GORAB: variants seen among roughly 807,000 people sequenced by gnomAD.
GORAB encodes the protein golgin, RAB6 interacting.
A neutral mutation model predicts 29.9 loss-of-function variants in GORAB; 17 were observed. The ratio of observed to expected loss-of-function variants is 0.57; its 90% CI spans 0.39 to 0.85. GORAB has a LOEUF of 0.85. Ranked by LOEUF, GORAB falls within the 40% of genes least tolerant of loss-of-function variation. The pLI is 0.00. For missense variants in GORAB, 442 were observed against 437.8 expected (o/e 1.01, Z -0.09); for synonymous variants, 183 against 157.2 (o/e 1.16, Z -1.23).
chr1:170,537,958 G>T (rs555396753), intron 1 of GORAB, among the ~76,000 whole-genome samples: 1 of 152,214 alleles, frequency 6.6e-6, no homozygotes, highest in South Asian at 2.1e-4. Context: ...ATTTTTTGAT[G>T]GTGTGAATAA....
chr1:170,540,825 T>A (rs755949111), intron 2 of GORAB, among the ~76,000 whole-genome samples: 1 of 152,144 alleles, frequency 6.6e-6, no homozygotes, highest in Non-Finnish European at 1.5e-5. Flanking sequence ...GAAAGCTGTG[T>A]CCTAGAGAAT....
chr1:170,533,472 T>C (rs1307195400), intron 1 of GORAB: 1 of 423,914 alleles, frequency 2.4e-6, no homozygotes, highest in Non-Finnish European at 5.0e-6. Flanking sequence ...AGGGTACAAG[T>C]GCCCTGGCCT....
chr1:170,549,481 A>G (rs897764446), intron 4 of GORAB, among the ~76,000 whole-genome samples: 1 of 152,248 alleles, frequency 6.6e-6, no homozygotes, highest in Admixed American at 6.5e-5. Context: ...ATTTCAATTC[A>G]GTATTCATGA....
intron 4 of GORAB, among the ~76,000 whole-genome samples, 159 bp from the exon 5 acceptor site, chr1:170,551,856 T>C (rs1432806079): frequency 6.6e-6 from 1 of 152,258 alleles, no homozygotes; most frequent in African/African-American, 2.4e-5. Flanking sequence ...TAGCCTAGTC[T>C]GGCCAACATG....
rs747949887 is a variant in GORAB, at chr1:170,542,584, T to C, written c.513T>C (p.Ile171=). The change falls in exon 3 of 5, where the codon ATT becomes ATC. Residue 171 remains isoleucine, a synonymous_variant. Transcript: ENST00000367763. ...KRKKALLAKA[I]AERSKRTQAE... is the part of the protein sequence containing the mutation. ...AAAAAGCTCTTTTGGCTAAAGCTATTGCAGAAAGGTGAGGCACCTGAACCA... is the reference window on the plus strand; with the variant it reads ...AAAAAGCTCTTTTGGCTAAAGCTATCGCAGAAAGGTGAGGCACCTGAACCA... The C allele has an allele frequency of 1.9e-6, 3 of 1,609,392 alleles. No homozygotes were observed. The highest frequency in any genetic ancestry group is 8.5e-7 in the Non-Finnish European group (1 of 1,175,780).
At chr1:170,547,966 G>A (rs565321176) in intron 4 of GORAB, among the ~76,000 whole-genome samples, 2 of 152,320 alleles carry the variant, frequency 1.3e-5, no homozygotes, top group African/African-American at 4.8e-5. Context: ...ACTCATCTGA[G>A]ATTTCACATA....
intron 4 of GORAB, among the ~76,000 whole-genome samples, chr1:170,546,922 T>G (rs1382040377): frequency 6.6e-6 from 1 of 152,068 alleles, no homozygotes; most frequent in Non-Finnish European, 1.5e-5. Flanking sequence ...TGACCTCAGG[T>G]GATCCGCCTG....
At chr1:170,540,750 A>G (rs895820519) in intron 2 of GORAB, among the ~76,000 whole-genome samples, 8 of 152,234 alleles carry the variant, frequency 5.3e-5, no homozygotes, top group African/African-American at 1.9e-4. Context: ...GAATTTTCAT[A>G]AAAGACCTGT....
At chr1:170,550,199 T>C (rs776431116) in intron 4 of GORAB, among the ~76,000 whole-genome samples, 5 of 152,198 alleles carry the variant, frequency 3.3e-5, no homozygotes, top group East Asian at 3.9e-4. Flanking sequence ...GGCTACCGAC[T>C]CCAGTACATT....
At chr1:170,551,971 T>G in intron 4 of GORAB, 44 bp from the exon 5 acceptor site, 1 of 1,535,960 alleles carries the variant, frequency 6.5e-7, no homozygotes, top group Non-Finnish European at 9.0e-7. Context: ...AATATCTTCT[T>G]CAATGGAAAA....
intron 4 of GORAB, chr1:170,545,403 G>A: frequency 1.4e-5 from 13 of 945,178 alleles, no homozygotes; most frequent in Non-Finnish European, 1.5e-5. Context: ...ATTATACTCT[G>A]TATGAAATGG....
Position 170,544,762 on chromosome 1 carries a change from G to A in GORAB, c.579G>A (p.Gln193=). ...MKLKRIQKEL[Q]ALDDMVSADI... ...TAAAGCGGATCCAGAAGGAGTTGCA[G>A]GCTTTAGATGACATGGTGTCAGCTG... is the stretch of plus-strand genomic sequence containing the variant. The change falls in exon 4 of 5, where the codon CAG becomes CAA. Residue 193 remains glutamine, a synonymous_variant. Transcript: ENST00000367763. The A allele has an allele frequency of 6.2e-7, 1 of 1,614,016 alleles. No homozygotes were observed. Among genetic ancestry groups the A allele is most frequent in the Non-Finnish European group, 8.5e-7 (1 of 1,179,876 alleles).
chr1:170,553,619 TG>T lies in GORAB; in HGVS notation c.*1160del, dbSNP rs1218617510. On this transcript the variant is annotated 3_prime_UTR_variant, in exon 5 of 5. Coordinates refer to ENST00000367763, the MANE Select transcript of GORAB (RefSeq NM_152281.3). ...AACTTAGGGACATCCTGTTTTTAAA[TG>T]GGTTTGTTTGAGGGTATTATCTTCT... 6.6e-6 allele frequency: 3 copies of T among 452,992 alleles called. No individual in the cohort carries two copies. The highest frequency in any genetic ancestry group is 1.3e-5 in the Non-Finnish European group (3 of 226,508). 28.1% of individuals were successfully genotyped at this position (452,992 alleles called of 1,614,324 possible). A position where few individuals can be genotyped will look rare whatever the true frequency, so the allele number is the denominator to read the frequency against.
At chr1:170,545,780 G>A (rs946473118) in intron 4 of GORAB, 1 of 975,940 alleles carries the variant, frequency 1.0e-6, no homozygotes, top group African/African-American at 1.8e-5. Context: ...ACTGTTGAGT[G>A]TTTAAGAAAG....
chr1:170,547,602 A>G (rs921694953), intron 4 of GORAB, among the ~76,000 whole-genome samples: 2 of 152,196 alleles, frequency 1.3e-5, no homozygotes, highest in Non-Finnish European at 2.9e-5. Context: ...ATACATGCAA[A>G]CATACACCCA....
At chr1:170,541,382 A>T (rs185575859) in intron 2 of GORAB, among the ~76,000 whole-genome samples, 3 of 152,182 alleles carry the variant, frequency 2.0e-5, no homozygotes, top group South Asian at 2.1e-4. Flanking sequence ...AAAGGCCGCA[A>T]TCAAAATAAA....
At chr1:170,534,290 G>A (rs949001062) in intron 1 of GORAB, among the ~76,000 whole-genome samples, 2 of 152,136 alleles carry the variant, frequency 1.3e-5, no homozygotes, top group African/African-American at 4.8e-5. Flanking sequence ...CTTGGCCCTT[G>A]AACAACACAA....
At chr1:170,544,659 G>A (rs1271720234) in intron 3 of GORAB, 46 bp from the exon 4 acceptor site, 2 of 1,560,672 alleles carry the variant, frequency 1.3e-6, no homozygotes, top group Non-Finnish European at 1.8e-6. Context: ...TGGACACATG[G>A]TTTTAAAATG....
At chr1:170,550,718 G>T (rs546743698) in intron 4 of GORAB, among the ~76,000 whole-genome samples, 1 of 152,122 alleles carries the variant, frequency 6.6e-6, no homozygotes, top group Non-Finnish European at 1.5e-5. Context: ...TCTTGTACTA[G>T]AAGCTACTTA....
Sources: allele counts gnomAD v4.1 joint callset (sites outside exome capture counted in the v4.1 genomes callset), GRCh38; gene constraint gnomAD v4.1.1; transcripts MANE v1.5; gene names NCBI Gene and HGNC (gene_info 2026-07-23, HGNC 2026-07-21).